The following USH2A variants were observed in gnomAD, a reference collection of about 807,000 sequenced individuals.
The protein encoded by USH2A is Usher syndrome 2A (autosomal recessive, mild).
USH2A carries 443 observed loss-of-function variants against 538.9 expected under a neutral mutation model. The ratio of observed to expected loss-of-function variants is 0.82; its 90% CI spans 0.76 to 0.89. USH2A has a LOEUF of 0.89. Ranked by LOEUF, USH2A falls within the 40% of genes least tolerant of loss-of-function variation. The pLI is 0.00. For missense variants in USH2A, 6,633 were observed against 6,324.8 expected (o/e 1.05, Z -1.65); for synonymous variants, 2,413 against 2,273.5 (o/e 1.06, Z -1.75).
At chr1:216,127,875 A>G (rs2033287129) in intron 21 of USH2A, among the ~76,000 whole-genome samples, 1 of 152,180 alleles carries the variant, frequency 6.6e-6, no homozygotes, top group African/African-American at 2.4e-5. Context: ...AATCATTGGA[A>G]AATAACTGCC....
At chr1:216,081,483 G>A (rs914973534) in intron 26 of USH2A, among the ~76,000 whole-genome samples, 5 of 152,152 alleles carry the variant, frequency 3.3e-5, no homozygotes, top group Non-Finnish European at 7.4e-5. Context: ...ATGGCAGACC[G>A]TAATGTTAAG....
At chr1:215,728,598 C>CACACACACACACAA (rs1237189285) in intron 60 of USH2A, among the ~76,000 whole-genome samples, 1 of 151,960 alleles carries the variant, frequency 6.6e-6, no homozygotes, top group East Asian at 1.9e-4. Context: ...CACACACACA[C>CACACACACACACAA]ACACACACGT....
intron 26 of USH2A, among the ~76,000 whole-genome samples, chr1:216,081,668 T>C (rs540526930): frequency 6.6e-6 from 1 of 152,242 alleles, no homozygotes; most frequent in African/African-American, 2.4e-5. Flanking sequence ...CACAGGTCAC[T>C]GCAGCCTTCG....
At chr1:215,795,692 C>T (rs1662106579) in intron 50 of USH2A, among the ~76,000 whole-genome samples, 1 of 152,044 alleles carries the variant, frequency 6.6e-6, no homozygotes, top group Non-Finnish European at 1.5e-5. Flanking sequence ...TTTAATAGAC[C>T]TGTTATTAGC....
intron 47 of USH2A, among the ~76,000 whole-genome samples, chr1:215,822,361 G>C (rs1477970080): frequency 6.6e-6 from 1 of 151,662 alleles, no homozygotes; most frequent in Non-Finnish European, 1.5e-5. Context: ...TTGATTCCTA[G>C]GTATTTTATA....
intron 32 of USH2A, among the ~76,000 whole-genome samples, chr1:216,003,680 G>T (rs1401075911): frequency 2.0e-5 from 3 of 152,044 alleles, no homozygotes; most frequent in African/African-American, 7.2e-5. Flanking sequence ...AGTTAGAGAT[G>T]ATATTAGAGA....
Position 216,147,629 on chromosome 1 carries a change from C to T in USH2A, c.4627+27623G>A, listed in dbSNP as rs1270659640. 7.9e-5 allele frequency among the ~76,000 whole-genome samples: 12 copies of T among 151,238 alleles called. No individual in the cohort carries two copies. The East Asian group carries it at 2.0e-3, about 25-fold the overall frequency. ...AAATAAAACTCCAAAAATTAAATTC[C>T]AGCCCGCAAACCCCACAACAGGATT... On this transcript the variant is annotated intron_variant, in intron 21 of 71. Transcript: ENST00000307340.
intron 4 of USH2A, among the ~76,000 whole-genome samples, chr1:216,333,131 T>C (rs948570174): frequency 2.0e-5 from 3 of 151,576 alleles, no homozygotes; most frequent in African/African-American, 7.3e-5. Flanking sequence ...TTAGACAATA[T>C]AGAATATGAG....
chr1:215,706,725 T>C (rs1659194419), intron 61 of USH2A, among the ~76,000 whole-genome samples: 1 of 152,198 alleles, frequency 6.6e-6, no homozygotes, highest in Non-Finnish European at 1.5e-5. Context: ...TTTCAGTTAA[T>C]ATTGGAATTA....
intron 20 of USH2A, among the ~76,000 whole-genome samples, chr1:216,188,131 C>T (rs553460882): frequency 7.3e-5 from 11 of 151,102 alleles, no homozygotes; most frequent in Admixed American, 4.0e-4. Context: ...TCGTTTTAAT[C>T]GCCTCACCAG....
At chr1:216,233,344 C>T (rs1270879296) in intron 13 of USH2A, among the ~76,000 whole-genome samples, 1 of 152,086 alleles carries the variant, frequency 6.6e-6, no homozygotes, top group Admixed American at 6.5e-5. Context: ...AGTCAGGTCT[C>T]GTGACTTCCT....
chr1:215,999,592 G>C (rs1309424990), intron 33 of USH2A, among the ~76,000 whole-genome samples: 2 of 152,142 alleles, frequency 1.3e-5, no homozygotes, highest in East Asian at 1.9e-4. Flanking sequence ...AGGAAGAACA[G>C]AGGGCATTTC....
At chr1:215,740,385 CTT>C (rs989858039) in intron 60 of USH2A, among the ~76,000 whole-genome samples, 3 of 152,106 alleles carry the variant, frequency 2.0e-5, no homozygotes, top group African/African-American at 4.8e-5. Context: ...CTCAATCTCT[CTT>C]TGTCTCTCTT....
rs1238280246 is a variant in USH2A, at chr1:215,993,102, G to A, written c.6723C>T (p.Pro2241=). The change falls in exon 35 of 72, where the codon CCC becomes CCT. Residue 2241 remains proline (P), a synonymous_variant. Coordinates refer to ENST00000307340, the MANE Select transcript of USH2A (RefSeq NM_206933.4). ...GGGCTTTGGGGGCTGGCACGCCTTC[G>A]GGTATGTCCTCGTCAGTTAGGGCCT... ...ASEALTDEDI[P]EGVPAPKAHS... 8.7e-6 allele frequency: 14 copies of A among 1,613,898 alleles called. 1 individual carries two copies. The highest frequency in any genetic ancestry group is 1.2e-5 in the Non-Finnish European group (14 of 1,179,986).
At chr1:215,937,995 C>T (rs138023468) in intron 37 of USH2A, among the ~76,000 whole-genome samples, 35 of 152,066 alleles carry the variant, frequency 2.3e-4, no homozygotes, top group African/African-American at 7.0e-4. Flanking sequence ...ATAAGTAGCA[C>T]TTCATTCTAA....
chr1:215,828,372 T>G (rs951545309), intron 47 of USH2A, among the ~76,000 whole-genome samples: 1 of 152,150 alleles, frequency 6.6e-6, no homozygotes, highest in Non-Finnish European at 1.5e-5. Context: ...GAAGTATTGC[T>G]TGAGCCTGGA....
At chr1:215,644,255 G>A (rs199641437) in intron 67 of USH2A, among the ~76,000 whole-genome samples, 129 of 152,330 alleles carry the variant, frequency 8.5e-4, no homozygotes, top group Non-Finnish European at 1.7e-3. Context: ...GCTTGAAGGG[G>A]AAAGTTGCAA....
At chr1:215,657,673 A>G (rs1571935935) in intron 64 of USH2A, among the ~76,000 whole-genome samples, 1 of 152,158 alleles carries the variant, frequency 6.6e-6, no homozygotes, top group Non-Finnish European at 1.5e-5. Flanking sequence ...TTTTAATTGA[A>G]TTCTGGGACC....
intron 44 of USH2A, among the ~76,000 whole-genome samples, chr1:215,863,599 A>G (rs1664387598): frequency 6.6e-6 from 1 of 152,098 alleles, no homozygotes; most frequent in Non-Finnish European, 1.5e-5. Flanking sequence ...AGTGCTCAGG[A>G]CAGAGAAAGT....
Sources: gnomAD v4.1 joint callset for allele counts (sites outside exome capture counted in the v4.1 genomes callset) on GRCh38, gnomAD v4.1.1 for gene constraint, MANE v1.5 for transcripts, NCBI Gene and HGNC (gene_info 2026-07-23, HGNC 2026-07-21) for gene names.